TM4SF1: variants seen among roughly 807,000 people sequenced by gnomAD.
The protein encoded by TM4SF1 is transmembrane 4 L six family member 1, also known as transmembrane 4 L6 family member 1.
Under a neutral mutation model 24.5 loss-of-function variants are expected in TM4SF1, and 20 were observed. That is an observed-to-expected ratio of 0.82 (90% CI 0.57 to 1.19). The LOEUF (loss-of-function observed/expected upper bound fraction) is 1.19, where lower values mean the gene tolerates loss of function less well. Among genes scored for constraint, TM4SF1 ranks in the 50% most tolerant of loss-of-function variants. The probability of loss-of-function intolerance (pLI) is 0.00; values close to 1 mark genes in which losing one functional copy is unlikely to be tolerated. For missense variants in TM4SF1, 258 were observed against 248.1 expected (o/e 1.04, Z -0.27); for synonymous variants, 107 against 95.4 (o/e 1.12, Z -0.71).
chr3:149,376,592 G>A (rs1361578674), intron 1 of TM4SF1, among the ~76,000 whole-genome samples: 3 of 152,136 alleles, frequency 2.0e-5, no homozygotes, highest in Non-Finnish European at 2.9e-5. Context: ...AGGTTTAAAT[G>A]TTTTACTATC....
At chr3:149,374,518 A>C (rs67727311) in intron 3 of TM4SF1, among the ~76,000 whole-genome samples, 63,856 of 152,086 alleles carry the variant, frequency 0.42, 14,193 homozygotes, top group Admixed American at 0.49. Context: ...TCATCACCAC[A>C]TACATCCGTT....
Position 149,369,482 on chromosome 3 carries a change from T to C in TM4SF1, c.*384A>G, listed in dbSNP as rs1413551950. 6.1e-6 allele frequency: 1 copy of C among 162,908 alleles called. No individual in the cohort carries two copies. 10.1% of individuals were successfully genotyped at this position (162,908 alleles called of 1,614,324 possible). A position where few individuals can be genotyped will look rare whatever the true frequency, so the allele number is the denominator to read the frequency against. ...TGTCGGATTTTCTCCTTCTTGGTCTTATAAAAAGCAACTAGACATCTTTAA... is the reference window on the plus strand; with the variant it reads ...TGTCGGATTTTCTCCTTCTTGGTCTCATAAAAAGCAACTAGACATCTTTAA... On this transcript the variant is annotated 3_prime_UTR_variant, in exon 5 of 5. Transcript: ENST00000305366.
chr3:149,373,476 C>T (rs56101739), intron 3 of TM4SF1, among the ~76,000 whole-genome samples: 12,708 of 152,188 alleles, frequency 0.084, 694 homozygotes, highest in African/African-American at 0.15. Context: ...TTTCTTATCA[C>T]GACTTCCTTC....
intron 3 of TM4SF1, among the ~76,000 whole-genome samples, chr3:149,373,872 T>A (rs1260349087): frequency 6.6e-6 from 1 of 152,238 alleles, no homozygotes; most frequent in African/African-American, 2.4e-5. Context: ...GCATTCTGGT[T>A]GCATAAGTCA....
At position 149,369,823 on chromosome 3, in the gene TM4SF1, A is replaced by G. The variant is rs762247065; in HGVS notation, c.*43T>C. Reference sequence around the variant, plus strand: ...ATACAAGTGAAATATATAAATTACAATGAAATAGAGGAAGATTGTGGCTCT... The same window carrying G: ...ATACAAGTGAAATATATAAATTACAGTGAAATAGAGGAAGATTGTGGCTCT... On this transcript the variant is annotated 3_prime_UTR_variant, in exon 5 of 5. Transcript: ENST00000305366. 22 of 1,607,698 alleles carry G rather than the reference A, an allele frequency of 1.4e-5. No individual in the cohort carries two copies. The highest frequency in any genetic ancestry group is 8.5e-5 in the Admixed American group (5 of 58,560).
At position 149,377,480 on chromosome 3, in the gene TM4SF1, G is replaced by A. The variant is rs1233782667; in HGVS notation, c.68C>T (p.Ala23Val). Reference protein sequence around the residue: ...SLVGLALLCIAANILLYFPNG... With the variant: ...SLVGLALLCIVANILLYFPNG... The stretch of plus-strand genomic sequence containing the variant: ...GGGAAAGTAAAGCAAAATATTAGCC[G>A]CGATGCACAGGAGGGCGAGCCCCAC... The change falls in exon 1 of 5, where the codon GCG (alanine) becomes GTG (valine). Residue 23 changes from alanine (A) to valine (V), a missense_variant. Physicochemically the swap from Ala to Val is moderately conservative, Grantham distance 64. Transcript: ENST00000305366. The A allele has an allele frequency of 4.6e-5, 75 of 1,614,132 alleles. No homozygotes were observed. Among genetic ancestry groups the A allele is most frequent in the Non-Finnish European group, 5.8e-5 (69 of 1,180,040 alleles).
At chr3:149,373,413 T>C (rs552744865) in intron 3 of TM4SF1, among the ~76,000 whole-genome samples, 2 of 152,348 alleles carry the variant, frequency 1.3e-5, no homozygotes, top group Admixed American at 1.3e-4. Context: ...AATACAATCA[T>C]GTGGGAAAAT....
intron 3 of TM4SF1, among the ~76,000 whole-genome samples, chr3:149,373,888 T>C (rs964464301): frequency 6.6e-6 from 1 of 152,238 alleles, no homozygotes; most frequent in African/African-American, 2.4e-5. Context: ...AGTCATGACT[T>C]TTCTTAGAAG....
chr3:149,374,109 T>C (rs1413614251), intron 3 of TM4SF1, among the ~76,000 whole-genome samples: 1 of 152,224 alleles, frequency 6.6e-6, no homozygotes, highest in Non-Finnish European at 1.5e-5. Flanking sequence ...CAGCTAACAG[T>C]GGCAGTTGCA....
chr3:149,372,231 T>C (rs1731842248), intron 3 of TM4SF1, among the ~76,000 whole-genome samples: 1 of 152,188 alleles, frequency 6.6e-6, no homozygotes, highest in Non-Finnish European at 1.5e-5. Flanking sequence ...CATGTATGTG[T>C]AGGAAGTAAA....
chr3:149,370,776 A>G (rs1008599811), intron 4 of TM4SF1: 1 of 152,182 alleles, frequency 6.6e-6, no homozygotes, highest in Non-Finnish European at 1.5e-5. Context: ...AAAGTTTTTC[A>G]TGGTAGCAAT....
At chr3:149,375,380 G>C in intron 3 of TM4SF1, 63 bp downstream of exon 3, 3 of 1,580,060 alleles carry the variant, frequency 1.9e-6, no homozygotes, top group Non-Finnish European at 2.6e-6. Flanking sequence ...TGGTTTGATA[G>C]AGCTGCCACT....
intron 3 of TM4SF1, among the ~76,000 whole-genome samples, chr3:149,372,780 C>T (rs190626839): frequency 9.2e-5 from 14 of 152,276 alleles, no homozygotes; most frequent in Non-Finnish European, 1.3e-4. Flanking sequence ...TGAACCACCA[C>T]GCCCGGCTGA....
Position 149,369,548 on chromosome 3 carries a change from T to G in TM4SF1, c.*318A>C, listed in dbSNP as rs1203571462. Reference sequence around the variant, plus strand: ...CACATATATACAATAGTGATTGGAATGTTATTTTTATCCAAAACATTATAG... The same window carrying G: ...CACATATATACAATAGTGATTGGAAGGTTATTTTTATCCAAAACATTATAG... On this transcript the variant is annotated 3_prime_UTR_variant, in exon 5 of 5. Coordinates refer to ENST00000305366, the MANE Select transcript of TM4SF1 (RefSeq NM_014220.3). 3 of 256,994 alleles carry G rather than the reference T, an allele frequency of 1.2e-5. No homozygotes were observed. Among genetic ancestry groups the G allele is most frequent in the African/African-American group, 6.9e-5 (3 of 43,622 alleles). 15.9% of individuals were successfully genotyped at this position (256,994 alleles called of 1,614,324 possible).
In TM4SF1 at chr3:149,371,869, T is replaced by C. The variant is rs924420439; in HGVS notation, c.414-2A>G. On this transcript the variant is annotated splice_acceptor_variant, in intron 3 of 4. Transcript: ENST00000305366. LOFTEE classifies it high-confidence loss of function. Reference sequence around the variant, plus strand: ...CATGTGGAGGTATCCAGAAGGTACCTGTGGGTAAAAAGAGAAACTTCTGAC... The same window carrying C: ...CATGTGGAGGTATCCAGAAGGTACCCGTGGGTAAAAAGAGAAACTTCTGAC... 5.6e-6 allele frequency: 9 copies of C among 1,613,746 alleles called. No homozygotes were observed. The highest frequency in any genetic ancestry group is 7.6e-6 in the Non-Finnish European group (9 of 1,179,904).
At position 149,369,765 on chromosome 3, in the gene TM4SF1, G is replaced by A; in HGVS notation, c.*101C>T. 1.4e-6 allele frequency: 2 copies of A among 1,454,520 alleles called. No individual in the cohort carries two copies. Among genetic ancestry groups the A allele is most frequent in the South Asian group, 1.2e-5 (1 of 81,952 alleles). 90.1% of individuals were successfully genotyped at this position (1,454,520 alleles called of 1,614,324 possible). A position where few individuals can be genotyped will look rare whatever the true frequency, so the allele number is the denominator to read the frequency against. On this transcript the variant is annotated 3_prime_UTR_variant, in exon 5 of 5. Coordinates refer to ENST00000305366, the MANE Select transcript of TM4SF1 (RefSeq NM_014220.3). ...CGTTTGTAAAAGTAGACTGTGGGGAGTATGTTACACTAATACAAAGTTTTA... is the reference window on the plus strand; with the variant it reads ...CGTTTGTAAAAGTAGACTGTGGGGAATATGTTACACTAATACAAAGTTTTA...
Position 149,369,761 on chromosome 3 carries a change from G to A in TM4SF1, c.*105C>T. On this transcript the variant is annotated 3_prime_UTR_variant, in exon 5 of 5. Transcript: ENST00000305366. The stretch of plus-strand genomic sequence containing the variant: ...CAGGCGTTTGTAAAAGTAGACTGTG[G>A]GGAGTATGTTACACTAATACAAAGT... The A allele has an allele frequency of 7.1e-7, 1 of 1,410,794 alleles. No individual in the cohort carries two copies. Among genetic ancestry groups the A allele is most frequent in the Non-Finnish European group, 9.8e-7 (1 of 1,018,850 alleles). The allele number at this position is 1,410,794 out of a possible 1,614,324, so 87.4% of individuals were successfully genotyped here. A position where few individuals can be genotyped will look rare whatever the true frequency, so the allele number is the denominator to read the frequency against.
At chr3:149,373,681 G>A (rs898554735) in intron 3 of TM4SF1, among the ~76,000 whole-genome samples, 4 of 152,170 alleles carry the variant, frequency 2.6e-5, no homozygotes, top group African/African-American at 9.7e-5. Context: ...CTGGCTCCCA[G>A]GCAACTAACC....
chr3:149,372,152 C>G (rs1731839752), intron 3 of TM4SF1, among the ~76,000 whole-genome samples: 1 of 152,064 alleles, frequency 6.6e-6, no homozygotes. Flanking sequence ...TAACAGGCAT[C>G]TGAATTCTTA....
Sources: gnomAD v4.1 joint callset for allele counts (sites outside exome capture counted in the v4.1 genomes callset) on GRCh38, gnomAD v4.1.1 for gene constraint, MANE v1.5 for transcripts, NCBI Gene and HGNC (gene_info 2026-07-23, HGNC 2026-07-21) for gene names.